The following IMMP2L variants were observed in gnomAD, a reference collection of about 807,000 sequenced individuals.
IMMP2L encodes the protein inner mitochondrial membrane peptidase subunit 2, also known as mitochondrial inner membrane protease subunit 2.
IMMP2L carries 18 observed loss-of-function variants against 19.3 expected under a neutral mutation model. The observed-to-expected ratio is 0.93, with a 90% CI of 0.64 to 1.38. The LOEUF is 1.38. Ranked by LOEUF, IMMP2L falls within the 40% of genes most tolerant of loss-of-function variation. The pLI, the probability that IMMP2L is intolerant of heterozygous loss-of-function variation, is 0.00. For synonymous variants in IMMP2L, 76 were observed against 73.0 expected (o/e 1.04, Z -0.21); for missense variants, 233 against 218.2 (o/e 1.07, Z -0.43).
At chr7:110,993,706 A>C (rs182924299) in intron 3 of IMMP2L, among the ~76,000 whole-genome samples, 1 of 152,178 alleles carries the variant, frequency 6.6e-6, no homozygotes, top group Non-Finnish European at 1.5e-5. Flanking sequence ...TTGCATTGAT[A>C]TCTCAAAGTC....
intron 5 of IMMP2L, among the ~76,000 whole-genome samples, chr7:110,792,791 T>A (rs191728112): frequency 6.6e-6 from 1 of 152,090 alleles, no homozygotes. Flanking sequence ...TCCACCATTA[T>A]AGTATCATAC....
intron 4 of IMMP2L, among the ~76,000 whole-genome samples, chr7:110,923,769 TTTAAA>T (rs1814549462): frequency 1.3e-5 from 2 of 152,100 alleles, no homozygotes; most frequent in East Asian, 1.9e-4. Context: ...AGATCTCACT[TTTAAA>T]TTAGAGTATC....
intron 4 of IMMP2L, among the ~76,000 whole-genome samples, chr7:110,927,261 A>C (rs1267337432): frequency 2.0e-5 from 3 of 152,086 alleles, no homozygotes; most frequent in East Asian, 3.9e-4. Flanking sequence ...AACTTCAACT[A>C]CCTGAGCCGT....
intron 4 of IMMP2L, among the ~76,000 whole-genome samples, chr7:110,894,623 A>T (rs1160682491): frequency 1.3e-5 from 2 of 152,126 alleles, no homozygotes; most frequent in South Asian, 2.1e-4. Context: ...TTTGTATTAG[A>T]TATGTTTTGT....
intron 5 of IMMP2L, among the ~76,000 whole-genome samples, chr7:110,782,673 A>T (rs541076488): frequency 1.1e-4 from 17 of 151,958 alleles, no homozygotes; most frequent in Admixed American, 3.3e-4. Context: ...CTTAATAGGT[A>T]CTTACTATGT....
At chr7:111,284,638 C>T (rs145411818) in intron 3 of IMMP2L, among the ~76,000 whole-genome samples, 249 of 152,048 alleles carry the variant, frequency 1.6e-3, no homozygotes, top group African/African-American at 5.7e-3. Flanking sequence ...ACTATAAGCC[C>T]GGGGCTTTAA....
At chr7:111,305,868 A>C (rs1417886852) in intron 3 of IMMP2L, among the ~76,000 whole-genome samples, 1 of 152,180 alleles carries the variant, frequency 6.6e-6, no homozygotes, top group Admixed American at 6.5e-5. Context: ...ATTGCTTTAC[A>C]CAAAAAGTGG....
intron 3 of IMMP2L, among the ~76,000 whole-genome samples, chr7:111,374,531 T>C (rs768254586): frequency 6.6e-6 from 1 of 152,126 alleles, no homozygotes; most frequent in African/African-American, 2.4e-5. Context: ...CACATTATTA[T>C]TGTCCTTATG....
rs1199831636 is a variant in IMMP2L, at chr7:111,213,427, G to A, written c.240-249862C>T. 6.6e-6 allele frequency among the ~76,000 whole-genome samples: 1 copy of A among 152,182 alleles called. No homozygotes were observed. The highest frequency in any genetic ancestry group is 1.5e-5 in the Non-Finnish European group (1 of 68,034). On this transcript the variant is annotated intron_variant, in intron 3 of 5. Transcript: ENST00000405709. The surrounding 1 kb of genome is among the most constrained non-coding windows in gnomAD (Gnocchi z 4.8). ...GTGCCATGAACTGTGGCAGGAGGCA[G>A]ACGCGCTCCTGAGTGGAAGGGGGTG... is the stretch of plus-strand genomic sequence containing the variant.
intron 5 of IMMP2L, among the ~76,000 whole-genome samples, chr7:110,862,954 C>T (rs1807602372): frequency 2.0e-5 from 3 of 152,042 alleles, no homozygotes; most frequent in South Asian, 4.1e-4. Flanking sequence ...CAAGACCCAC[C>T]TCCTATAACG....
chr7:111,370,952 T>C (rs1273809818), intron 3 of IMMP2L, among the ~76,000 whole-genome samples: 1 of 151,962 alleles, frequency 6.6e-6, no homozygotes, highest in African/African-American at 2.4e-5. Flanking sequence ...GGCTATTTTA[T>C]TATATAAGAT....
rs1429826193 is a variant in IMMP2L, at chr7:111,281,229, AAAGAAAGAAAGAAAGAAG to A, written c.239+205991_239+206008del. Among the ~76,000 whole-genome samples the A allele has an allele frequency of 8.5e-4, 112 of 131,584 alleles. 4 individuals are homozygous for A. The highest frequency in any genetic ancestry group is 2.9e-3 in the African/African-American group (95 of 32,866). The allele number at this position is 131,584 out of a possible 152,430, so 86.3% of individuals were successfully genotyped here. A position where few individuals can be genotyped will look rare whatever the true frequency, so the allele number is the denominator to read the frequency against. On this transcript the variant is annotated intron_variant, in intron 3 of 5. Coordinates refer to ENST00000405709, the MANE Select transcript of IMMP2L (RefSeq NM_032549.4). ...AAGAAAGAAAGAAAAAGAAAGAAAG[AAAGAAAGAAAGAAAGAAG>A]AGAGAGAGAGAAAGAGAGAGAGAAA...
At chr7:110,747,483 G>A (rs1298003231) in intron 5 of IMMP2L, among the ~76,000 whole-genome samples, 6 of 152,106 alleles carry the variant, frequency 3.9e-5, no homozygotes, top group Non-Finnish European at 7.4e-5. Flanking sequence ...GATGAACATC[G>A]ATGTCAAAAT....
intron 5 of IMMP2L, among the ~76,000 whole-genome samples, chr7:110,805,539 A>G (rs1388001730): frequency 6.6e-6 from 1 of 152,082 alleles, no homozygotes; most frequent in African/African-American, 2.4e-5. Context: ...ATAAACCACC[A>G]TTAAGTCATT....
At chr7:110,904,991 C>A (rs549837973) in intron 4 of IMMP2L, among the ~76,000 whole-genome samples, 1 of 152,088 alleles carries the variant, frequency 6.6e-6, no homozygotes, top group Non-Finnish European at 1.5e-5. Flanking sequence ...TTACAAAATA[C>A]CACTTTGATC....
chr7:111,031,406 G>A (rs201600654), intron 3 of IMMP2L, among the ~76,000 whole-genome samples: 3 of 48,366 alleles, frequency 6.2e-5, no homozygotes, highest in African/African-American at 1.2e-4. Flanking sequence ...GTGTGTGTGT[G>A]TGAGAGAAAG....
chr7:111,285,952 A>C (rs1820433985), intron 3 of IMMP2L, among the ~76,000 whole-genome samples: 1 of 152,180 alleles, frequency 6.6e-6, no homozygotes, highest in Non-Finnish European at 1.5e-5. Context: ...GTTATGTATG[A>C]AAACCAGTCA....
chr7:111,351,016 C>A (rs1323856355), intron 3 of IMMP2L, among the ~76,000 whole-genome samples: 1 of 152,078 alleles, frequency 6.6e-6, no homozygotes, highest in Admixed American at 6.5e-5. Flanking sequence ...ATGAAGAAAT[C>A]ATAATCTTAA....
intron 4 of IMMP2L, among the ~76,000 whole-genome samples, chr7:110,937,142 G>A (rs1419935852): frequency 6.6e-6 from 1 of 152,122 alleles, no homozygotes; most frequent in East Asian, 1.9e-4. Context: ...CATGGCACGT[G>A]TACATCTATG....
Sources: allele counts gnomAD v4.1 joint callset (sites outside exome capture counted in the v4.1 genomes callset), GRCh38; gene constraint gnomAD v4.1.1; non-coding constraint Gnocchi (gnomAD v3.1); transcripts MANE v1.5; gene names NCBI Gene and HGNC (gene_info 2026-07-23, HGNC 2026-07-21).